UTP6: variants seen among roughly 807,000 people sequenced by gnomAD.
UTP6 encodes U3 small nucleolar RNA-associated protein 6 homolog.
In UTP6, 60 loss-of-function variants were observed where a neutral mutation model predicts 96.5. The observed-to-expected ratio is 0.62, with a 90% confidence interval of 0.51 to 0.77. UTP6 has a LOEUF of 0.77. Ranked by LOEUF, UTP6 falls within the 30% of genes least tolerant of loss-of-function variation. The pLI is 0.00. For synonymous variants in UTP6, 215 were observed against 240.1 expected (o/e 0.90, Z 0.96); for missense variants, 637 against 706.5 (o/e 0.90, Z 1.12).
chr17:31,872,104 A>G lies in UTP6; in HGVS notation c.1496+1274T>C, dbSNP rs544121247. On this transcript the variant is annotated intron_variant, in intron 16 of 18. Transcript: ENST00000261708. ...CAGCTACTCAGGAGGCTGAGGCAGG[A>G]GAATCGCTTGAACCCGGGAGGCAGA... Among the ~76,000 whole-genome samples, 5 of 151,762 alleles carry G rather than the reference A, an allele frequency of 3.3e-5. No individual in the cohort carries two copies. In the East Asian group the frequency reaches 9.7e-4, roughly 30 times the overall value.
chr17:31,897,628 AG>A (rs1904733431), intron 2 of UTP6, among the ~76,000 whole-genome samples: 1 of 151,782 alleles, frequency 6.6e-6, no homozygotes, highest in South Asian at 2.1e-4. Context: ...TTGTATTTTT[AG>A]TAGAGATGGG....
At position 31,863,522 on chromosome 17, in the gene UTP6, A is replaced by T. The variant is rs914800248; in HGVS notation, c.1637-6T>A. On this transcript the variant is annotated splice_polypyrimidine_tract_variant and splice_region_variant and intron_variant, in intron 18 of 18. Transcript: ENST00000261708. ...CATATAATCCATCCAAAGATCTTTT[A>T]AAAAAAAAACATACAATTAGATAAC... The T allele has an allele frequency of 1.8e-5, 27 of 1,526,202 alleles. No homozygotes were observed. The highest frequency in any genetic ancestry group is 1.7e-4 in the African/African-American group (12 of 69,140). The allele number at this position is 1,526,202 out of a possible 1,614,324, so 94.5% of individuals were successfully genotyped here. A position where few individuals can be genotyped will look rare whatever the true frequency, so the allele number is the denominator to read the frequency against.
At chr17:31,894,771 T>G in intron 3 of UTP6, 34 bp from the exon 4 acceptor site, 1 of 1,552,300 alleles carries the variant, frequency 6.4e-7, no homozygotes, top group Non-Finnish European at 8.8e-7. Flanking sequence ...GAGCCTCAAC[T>G]TAATCATATT....
intron 13 of UTP6, among the ~76,000 whole-genome samples, chr17:31,878,007 AAACCCAAATCATGACTCTT>A (rs1383019156): frequency 6.6e-6 from 1 of 151,946 alleles, no homozygotes; most frequent in Non-Finnish European, 1.5e-5. Context: ...CAAACAAAAT[AAACCCAAATCATGACTCTT>A]GTTCTAAGTG....
intron 16 of UTP6, among the ~76,000 whole-genome samples, chr17:31,868,325 G>GTT (rs33960994): frequency 0.6 from 55,066 of 91,198 alleles, 15,890 homozygotes; most frequent in East Asian, 0.71. Flanking sequence ...TAGTTTTTTG[G>GTT]TTTTTTTTTT....
intron 18 of UTP6, among the ~76,000 whole-genome samples, chr17:31,864,310 C>G (rs1005949627): frequency 2.0e-5 from 3 of 152,172 alleles, no homozygotes; most frequent in Admixed American, 1.3e-4. Flanking sequence ...TCGCTTGAAT[C>G]TGGGAGGCAG....
intron 2 of UTP6, 110 bp from the exon 3 acceptor site, chr17:31,895,121 AAAT>A (rs1460998807): frequency 3.7e-6 from 3 of 806,142 alleles, no homozygotes; most frequent in Admixed American, 3.5e-5. Flanking sequence ...ATAAAATAAA[AAAT>A]AATGTGCTAT....
chr17:31,901,532 T>C lies in UTP6; in HGVS notation c.92+4A>G. ...GCTCTTCCCTCTCCCCAACCCTCTC[T>C]CACTTAATCTCCGCATGACTGAACA... is the stretch of plus-strand genomic sequence containing the variant. On this transcript the variant is annotated splice_donor_region_variant and intron_variant, in intron 1 of 18. Coordinates refer to ENST00000261708, the MANE Select transcript of UTP6 (RefSeq NM_018428.3). 6.2e-7 allele frequency: 1 copy of C among 1,613,648 alleles called. No individual in the cohort carries two copies. Among genetic ancestry groups the C allele is most frequent in the Admixed American group, 1.7e-5 (1 of 59,970 alleles).
At chr17:31,882,703 T>C (rs578228951) in intron 10 of UTP6, among the ~76,000 whole-genome samples, 6 of 152,304 alleles carry the variant, frequency 3.9e-5, no homozygotes, top group Admixed American at 6.5e-5. Flanking sequence ...AAACAACAGA[T>C]TGATTCAAGT....
intron 8 of UTP6, 25 bp downstream of exon 8, chr17:31,887,211 G>T: frequency 6.3e-7 from 1 of 1,582,970 alleles, no homozygotes. Context: ...GTTAGCAAGT[G>T]AGAATAAAAT....
intron 6 of UTP6, 129 bp downstream of exon 6, chr17:31,892,131 A>T (rs1306034416): frequency 1.1e-6 from 1 of 936,130 alleles, no homozygotes; most frequent in African/African-American, 1.7e-5. Context: ...AGTAAGAAAA[A>T]CTGCTGAGGC....
chr17:31,900,232 CA>C (rs1904892888), intron 1 of UTP6, among the ~76,000 whole-genome samples: 1 of 152,176 alleles, frequency 6.6e-6, no homozygotes, highest in African/African-American at 2.4e-5. Flanking sequence ...AATCAACTCC[CA>C]AAACCAATGA....
In UTP6 at chr17:31,901,674, A is replaced by C. The variant is rs985775033; in HGVS notation, c.-47T>G. ...CGCGGGTAGCTTCTCAACAGCGAAC[A>C]CGAGCAGGAAGCTCCCGGTTTCAGG... On this transcript the variant is annotated 5_prime_UTR_variant, in exon 1 of 19. Coordinates refer to ENST00000261708, the MANE Select transcript of UTP6 (RefSeq NM_018428.3). 3 of 1,585,576 alleles carry C rather than the reference A, an allele frequency of 1.9e-6. No homozygotes were observed. Among genetic ancestry groups the C allele is most frequent in the Non-Finnish European group, 1.7e-6 (2 of 1,158,934 alleles).
chr17:31,873,656 G>C lies in UTP6; in HGVS notation c.1386+17C>G. The C allele has an allele frequency of 6.2e-7, 1 of 1,613,864 alleles. No individual in the cohort carries two copies. Among genetic ancestry groups the C allele is most frequent in the Non-Finnish European group, 8.5e-7 (1 of 1,180,004 alleles). On this transcript the variant is annotated intron_variant, in intron 15 of 18. Transcript: ENST00000261708. ...GCCATTCCCCACACCACAAGACTTG[G>C]AACACGGAGCCTATACCTTAAAGAC...
intron 13 of UTP6, among the ~76,000 whole-genome samples, chr17:31,877,547 C>A (rs1910563988): frequency 6.6e-6 from 1 of 152,128 alleles, no homozygotes; most frequent in East Asian, 1.9e-4. Flanking sequence ...GAAAGCCAGG[C>A]ACGGCCAGGA....
rs1286810506 is a variant in UTP6 at position 31,887,291 on chromosome 17, T to C, written c.566A>G (p.His189Arg). The change falls in exon 8 of 19, where the codon CAT (histidine) becomes CGT (arginine). Residue 189 changes from histidine to arginine, a missense_variant. By Grantham distance (29) the His-to-Arg change is conservative. Transcript: ENST00000261708. ...CTTCTCCTTCCTCAGTTTTTCAGCA[T>C]GCATCAGCTCCATCCTAAAGTACTA... is the stretch of plus-strand genomic sequence containing the variant. Reference protein sequence around the residue: ...YKEYFRMELMHAEKLRKEKEE... With the variant: ...YKEYFRMELMRAEKLRKEKEE... 3.1e-6 allele frequency: 5 copies of C among 1,614,008 alleles called. No homozygotes were observed. In the Admixed American group the frequency reaches 6.7e-5, roughly 22 times the overall value.
chr17:31,888,499 G>A (rs371214067), intron 7 of UTP6, among the ~76,000 whole-genome samples: 15 of 151,890 alleles, frequency 9.9e-5, no homozygotes, highest in Non-Finnish European at 1.8e-4. Context: ...ACCTGAGTTC[G>A]GGAGTTTGAG....
chr17:31,863,933 T>C (rs1354808793), intron 18 of UTP6, among the ~76,000 whole-genome samples: 1 of 152,150 alleles, frequency 6.6e-6, no homozygotes, highest in African/African-American at 2.4e-5. Context: ...ACTCCTGGGC[T>C]CAAGCAATCC....
chr17:31,892,064 C>T, intron 6 of UTP6, 196 bp downstream of exon 6: 3 of 584,220 alleles, frequency 5.1e-6, no homozygotes, highest in Non-Finnish European at 9.1e-6. Context: ...GCAGATACAA[C>T]ACCTAGGACA....
Sources: gnomAD v4.1 joint callset for allele counts (sites outside exome capture counted in the v4.1 genomes callset) on GRCh38, gnomAD v4.1.1 for gene constraint, MANE v1.5 for transcripts, NCBI Gene and HGNC (gene_info 2026-07-23, HGNC 2026-07-21) for gene names.